Variants in DUS3L observed in about 807,000 individuals in gnomAD.
DUS3L encodes dihydrouridine synthase 3 like.
Under a neutral mutation model 74.6 loss-of-function variants are expected in DUS3L, and 62 were observed. The observed-to-expected ratio is 0.83, with a 90% CI of 0.68 to 1.03. The LOEUF is 1.03. DUS3L is among the 50% of genes least tolerant of loss of function. The pLI is 0.00. For missense variants in DUS3L, 884 were observed against 924.4 expected (o/e 0.96, Z 0.57); for synonymous variants, 433 against 395.7 (o/e 1.09, Z -1.12).
chr19:5,789,082 A>G, intron 3 of DUS3L, 125 bp downstream of exon 3: 1 of 1,349,748 alleles, frequency 7.4e-7, no homozygotes, highest in Admixed American at 3.0e-5. Context: ...CTCAGCCAGG[A>G]GCTCCCTCAA....
At chr19:5,788,468 C>T (rs2056877081) in intron 3 of DUS3L, 70 bp from the exon 4 acceptor site, 1 of 1,544,646 alleles carries the variant, frequency 6.5e-7, no homozygotes, top group South Asian at 1.2e-5. Flanking sequence ...TGGAGCCTCC[C>T]TTCTACCCAC....
intron 3 of DUS3L, among the ~76,000 whole-genome samples, chr19:5,788,705 CT>C (rs942516959): frequency 0.081 from 10,332 of 127,654 alleles, 1,077 homozygotes; most frequent in African/African-American, 0.26. Context: ...GTGTCCAGCT[CT>C]TTTTTTTTTT....
In DUS3L at chr19:5,787,152, G is replaced by A; in HGVS notation, c.1298C>T (p.Thr433Ile). ...CTGGACGCCTGTGCGGATCTTCACA[G>A]TCAGCGGCACATCCAGCACCTACAG... The part of the protein sequence containing the change: ...GMNQVLDVPL[T>I]VKIRTGVQER... Residue 433 changes from threonine (T) to isoleucine (I), a missense_variant, in exon 8 of 13, where the codon ACT becomes ATT. Thr to Ile is a moderately conservative substitution (Grantham distance 89). Transcript: ENST00000309061. 3 of 1,354,430 alleles carry A rather than the reference G, an allele frequency of 2.2e-6. No individual in the cohort carries two copies. Among genetic ancestry groups the A allele is most frequent in the Non-Finnish European group, 2.8e-6 (3 of 1,062,430 alleles). 83.9% of individuals were successfully genotyped at this position (1,354,430 alleles called of 1,614,324 possible). A position where few individuals can be genotyped will look rare whatever the true frequency, so the allele number is the denominator to read the frequency against.
Position 5,786,345 on chromosome 19 carries a change from C to G in DUS3L, c.1562+122G>C, listed in dbSNP as rs1233643275. The stretch of plus-strand genomic sequence containing the variant: ...CGCAGCTGCAACTCCTGACATCGCT[C>G]TCTGCTCCTCCCATCTTGGGACCAA... On this transcript the variant is annotated intron_variant, in intron 10 of 12. Coordinates refer to ENST00000309061, the MANE Select transcript of DUS3L (RefSeq NM_020175.3). 12 of 923,658 alleles carry G rather than the reference C, an allele frequency of 1.3e-5. No homozygotes were observed. In the African/African-American group the frequency reaches 2.0e-4, roughly 15 times the overall value. 57.2% of individuals were successfully genotyped at this position (923,658 alleles called of 1,614,324 possible). A position where few individuals can be genotyped will look rare whatever the true frequency, so the allele number is the denominator to read the frequency against.
At position 5,789,558 on chromosome 19, in the gene DUS3L, G is replaced by A. The variant is rs1242195648; in HGVS notation, c.549C>T (p.His183=). The change falls in exon 3 of 13, where the codon CAC becomes CAT. Residue 183 remains histidine, a synonymous_variant. Transcript: ENST00000309061. ...YGVTCRFAGA[H]LRPEGQNLVQ... ...CCAGGTTCTGTCCCTCGGGCCTCAG[G>A]TGGGCCCCAGCGAAGCGGCAGGTCA... 6.3e-6 allele frequency: 10 copies of A among 1,598,684 alleles called. No homozygotes were observed. Among genetic ancestry groups the A allele is most frequent in the Non-Finnish European group, 8.5e-6 (10 of 1,174,348 alleles).
At chr19:5,786,114 G>A (rs2056839214) in intron 10 of DUS3L, 2 of 458,950 alleles carry the variant, frequency 4.4e-6, no homozygotes, top group South Asian at 3.2e-5. Flanking sequence ...ACTACACCTG[G>A]CTAATTTTTG....
rs754219373 is a variant in DUS3L, at chr19:5,789,502, TGGGTCCCGC to T, written c.596_604del (p.Arg199_Thr201del). On this transcript the variant is annotated inframe_deletion, in exon 3 of 13. Transcript: ENST00000309061. The stretch of plus-strand genomic sequence containing the variant: ...CAGGCCGTTGCGGATGGACGGGGGC[TGGGTCCCGC>T]GGGCCGCCAACTCCTCCTGCACCAG... 1 of 1,605,222 alleles carries T rather than the reference TGGGTCCCGC, an allele frequency of 6.2e-7. No individual in the cohort carries two copies. Among genetic ancestry groups the T allele is most frequent in the Admixed American group, 1.7e-5 (1 of 59,644 alleles).
Position 5,788,090 on chromosome 19 carries a change from C to A in DUS3L, c.1029G>T (p.Leu343=). 6.2e-7 allele frequency: 1 copy of A among 1,613,794 alleles called. No homozygotes were observed. The highest frequency in any genetic ancestry group is 8.5e-7 in the Non-Finnish European group (1 of 1,180,026). ...CGEMAVCTNL[L]QGQMSEWALL... ...GGGCCCACTCGGACATCTGGCCCTG[C>A]AGCAGGTTGGTGCAGACGGCCATCT... The change falls in exon 5 of 13, where the codon CTG becomes CTT. Residue 343 remains leucine (L), a synonymous_variant. Transcript: ENST00000309061.
rs571572241 is a variant in DUS3L at position 5,789,208 on chromosome 19, C to G, written c.899G>C (p.Arg300Pro). Residue 300 changes from arginine to proline, a missense_variant and splice_region_variant, in exon 3 of 13, where the codon CGG becomes CCG. By Grantham distance (103) the Arg-to-Pro change is moderately radical. Transcript: ENST00000309061. ...VVRLRPCEKK[R>P]LDIRGKLYLA... ...ACTGACGTTGTCCTCAACACGTACC[C>G]GCTTCTTCTCACAGGGCCGCAGCCT... 6.5e-7 allele frequency: 1 copy of G among 1,531,056 alleles called. No homozygotes were observed. Among genetic ancestry groups the G allele is most frequent in the Admixed American group, 2.2e-5 (1 of 45,916 alleles). The allele number at this position is 1,531,056 out of a possible 1,614,324, so 94.8% of individuals were successfully genotyped here. A position where few individuals can be genotyped will look rare whatever the true frequency, so the allele number is the denominator to read the frequency against.
At position 5,789,567 on chromosome 19, in the gene DUS3L, A is replaced by G; in HGVS notation, c.540T>C (p.Ala180=). 2 of 1,597,460 alleles carry G rather than the reference A, an allele frequency of 1.3e-6. No homozygotes were observed. Among genetic ancestry groups the G allele is most frequent in the Non-Finnish European group, 1.7e-6 (2 of 1,173,626 alleles). ...GTCCCTCGGGCCTCAGGTGGGCCCC[A>G]GCGAAGCGGCAGGTCACGCCGTAGG... is the stretch of plus-strand genomic sequence containing the variant. ...RCPYGVTCRF[A]GAHLRPEGQN... is the part of the protein sequence containing the mutation. The change falls in exon 3 of 13, where the codon GCT becomes GCC. Residue 180 remains alanine, a synonymous_variant. Transcript: ENST00000309061.
chr19:5,787,206 TG>T, intron 7 of DUS3L, 35 bp from the exon 8 acceptor site: 2 of 1,065,106 alleles, frequency 1.9e-6, no homozygotes, highest in Non-Finnish European at 2.6e-6. Flanking sequence ...TGGGAGATGG[TG>T]GGAGGTGGTG....
intron 1 of DUS3L, chr19:5,790,708 T>G (rs1048048047): frequency 4.8e-5 from 26 of 544,556 alleles, no homozygotes; most frequent in Middle Eastern, 9.9e-4. Flanking sequence ...GGCACTCGCT[T>G]CAACCCCAAG....
In DUS3L at chr19:5,789,242, C is replaced by T. The variant is rs749776244; in HGVS notation, c.865G>A (p.Asp289Asn). The T allele has an allele frequency of 5.1e-6, 8 of 1,565,118 alleles. No individual in the cohort carries two copies. Among genetic ancestry groups the T allele is most frequent in the Non-Finnish European group, 6.9e-6 (8 of 1,158,950 alleles). Residue 289 changes from aspartate (D) to asparagine (N), a missense_variant, in exon 3 of 13, where the codon GAC becomes AAC. Physicochemically the swap from Asp to Asn is conservative, Grantham distance 23. Coordinates refer to ENST00000309061, the MANE Select transcript of DUS3L (RefSeq NM_020175.3). ...TCACAGGGCCGCAGCCTGACCACGTCCTCATCCGTCAGGGGCCCGCAGGTC... is the reference window on the plus strand; with the variant it reads ...TCACAGGGCCGCAGCCTGACCACGTTCTCATCCGTCAGGGGCCCGCAGGTC... The part of the protein sequence containing the change: ...VRTCGPLTDE[D>N]VVRLRPCEKK...
intron 1 of DUS3L, 115 bp from the exon 2 acceptor site, chr19:5,790,450 C>T (rs1441799334): frequency 7.6e-6 from 10 of 1,312,822 alleles, no homozygotes; most frequent in Non-Finnish European, 1.0e-5. Context: ...GAGCTCACTA[C>T]TTAAGAACCA....
At chr19:5,785,533 G>A (rs1163905406) in intron 11 of DUS3L, 22 bp from the exon 12 acceptor site, 1 of 1,540,574 alleles carries the variant, frequency 6.5e-7, no homozygotes, top group Non-Finnish European at 8.7e-7. Flanking sequence ...GGGCGGGCAG[G>A]ACAGGCTTGA....
chr19:5,791,063 C>T lies in DUS3L; in HGVS notation c.79G>A (p.Val27Met), dbSNP rs1241615862. Residue 27 changes from valine to methionine, a missense_variant, in exon 1 of 13, where the codon GTG becomes ATG. Physicochemically the swap from Val to Met is conservative, Grantham distance 21 (BLOSUM62 1). Coordinates refer to ENST00000309061, the MANE Select transcript of DUS3L (RefSeq NM_020175.3). ...DSGAGALERG[V>M]APIKRQYLTT... The stretch of plus-strand genomic sequence containing the variant: ...ACTCACTGACGCTTAATGGGCGCCA[C>T]TCCTCGTTCCAAAGCTCCGGCTCCC... 1 of 1,605,274 alleles carries T rather than the reference C, an allele frequency of 6.2e-7. No individual in the cohort carries two copies. The highest frequency in any genetic ancestry group is 8.5e-7 in the Non-Finnish European group (1 of 1,176,514).
At chr19:5,785,951 T>C in intron 10 of DUS3L, 160 bp from the exon 11 acceptor site, 1 of 761,248 alleles carries the variant, frequency 1.3e-6, no homozygotes, top group Non-Finnish European at 2.0e-6. Context: ...AGCACAGGAC[T>C]TTCTTTTGTT....
At position 5,787,323 on chromosome 19, in the gene DUS3L, G is replaced by T. The variant is rs958960403; in HGVS notation, c.1251C>A (p.Phe417Leu). The change falls in exon 7 of 13, where the codon TTC (phenylalanine) becomes TTA (leucine). Residue 417 changes from phenylalanine (F) to leucine (L), a missense_variant. Coordinates refer to ENST00000309061, the MANE Select transcript of DUS3L (RefSeq NM_020175.3). ...GGTTCATGCCACGGACGATCTGCTG[G>T]AACTTGGTGGAGCGATTCATGAGGG... ...GCALMNRSTK[F>L]QQIVRGMNQV... 3.7e-5 allele frequency: 50 copies of T among 1,339,708 alleles called. No homozygotes were observed. Among genetic ancestry groups the T allele is most frequent in the Non-Finnish European group, 4.8e-5 (49 of 1,028,428 alleles). 83.0% of individuals were successfully genotyped at this position (1,339,708 alleles called of 1,614,324 possible).
At position 5,789,370 on chromosome 19, in the gene DUS3L, G is replaced by T. The variant is rs980860709; in HGVS notation, c.737C>A (p.Pro246His). The T allele has an allele frequency of 6.3e-7, 1 of 1,594,796 alleles. No homozygotes were observed. The change falls in exon 3 of 13, where the codon CCC becomes CAC. Residue 246 changes from proline to histidine, a missense_variant. By Grantham distance (77) the Pro-to-His change is moderately conservative (BLOSUM62 -2). Coordinates refer to ENST00000309061, the MANE Select transcript of DUS3L (RefSeq NM_020175.3). The stretch of plus-strand genomic sequence containing the variant: ...AGCGCCCTCGGCTGCCGTGCCCTCG[G>T]GGACAGCGGCAGCGGGTGTGGGGCC... The part of the protein sequence containing the change: ...SQGPTPAAAV[P>H]EGTAAEGAPR...
Sources: gnomAD v4.1 joint callset for allele counts (sites outside exome capture counted in the v4.1 genomes callset) on GRCh38, gnomAD v4.1.1 for gene constraint, MANE v1.5 for transcripts, NCBI Gene and HGNC (gene_info 2026-07-23, HGNC 2026-07-21) for gene names.